The following ALOX5 variants were observed in gnomAD, a reference collection of about 807,000 sequenced individuals.
ALOX5 encodes polyunsaturated fatty acid 5-lipoxygenase.
In ALOX5, 64 loss-of-function variants were observed where a neutral mutation model predicts 87.9. The ratio of observed to expected loss-of-function variants is 0.73; its 90% confidence interval spans 0.60 to 0.90. The LOEUF is 0.90. Among genes scored for constraint, ALOX5 ranks in the 40% least tolerant of loss-of-function variants. ALOX5 has a pLI of 0.00. For synonymous variants in ALOX5, 388 were observed against 355.1 expected (o/e 1.09, Z -1.04); for missense variants, 822 against 907.5 (o/e 0.91, Z 1.21).
chr10:45,424,358 G>GATGA (rs962658656), intron 5 of ALOX5, among the ~76,000 whole-genome samples: 2 of 152,160 alleles, frequency 1.3e-5, no homozygotes, highest in African/African-American at 4.8e-5. Flanking sequence ...CTCCTCCTCA[G>GATGA]ATATTCAAGC....
chr10:45,400,624 A>G (rs748024523), intron 3 of ALOX5, among the ~76,000 whole-genome samples: 2 of 152,144 alleles, frequency 1.3e-5, no homozygotes, highest in Admixed American at 6.5e-5. Flanking sequence ...AAGAAAAGAA[A>G]TGAACTACAG....
intron 6 of ALOX5, 80 bp from the exon 7 acceptor site, chr10:45,428,538 A>C (rs932863951): frequency 6.4e-7 from 1 of 1,551,294 alleles, no homozygotes; most frequent in Non-Finnish European, 8.8e-7. Flanking sequence ...GGGTGCCCAG[A>C]GGTCATCACT....
At chr10:45,388,515 C>A (rs962940723) in intron 2 of ALOX5, among the ~76,000 whole-genome samples, 1 of 152,240 alleles carries the variant, frequency 6.6e-6, no homozygotes, top group Non-Finnish European at 1.5e-5. Context: ...AATCAGGCAG[C>A]AACATTTGCT....
At chr10:45,443,968 T>G in intron 12 of ALOX5, 140 bp downstream of exon 12, 3 of 1,434,762 alleles carry the variant, frequency 2.1e-6, no homozygotes, top group Non-Finnish European at 2.8e-6. Flanking sequence ...TTCTGCCCGC[T>G]CAGCCAAGGG....
At chr10:45,440,390 T>G (rs1307113717) in intron 7 of ALOX5, 40 bp from the exon 8 acceptor site, 1 of 1,591,378 alleles carries the variant, frequency 6.3e-7, no homozygotes, top group South Asian at 1.1e-5. Context: ...TACTCTGAAG[T>G]GAAATATAGC....
chr10:45,428,878 G>A lies in ALOX5; in HGVS notation c.981+114G>A, dbSNP rs927349897. ...GAAGCTATGTCTTGAAAGACACTAG[G>A]GCTTCCTGCAGGCCCTGAGGTGGGC... On this transcript the variant is annotated intron_variant, in intron 7 of 13. Coordinates refer to ENST00000374391, the MANE Select transcript of ALOX5 (RefSeq NM_000698.5). 4 of 1,398,906 alleles carry A rather than the reference G, an allele frequency of 2.9e-6. No homozygotes were observed. The Admixed American group carries it at 8.2e-5, about 29-fold the overall frequency. The allele number at this position is 1,398,906 out of a possible 1,614,324, so 86.7% of individuals were successfully genotyped here.
At chr10:45,392,104 C>G (rs1406956214) in intron 2 of ALOX5, among the ~76,000 whole-genome samples, 2 of 151,716 alleles carry the variant, frequency 1.3e-5, no homozygotes, top group Non-Finnish European at 2.9e-5. Flanking sequence ...GCCCCCCGCC[C>G]GGCCAGCTGC....
intron 7 of ALOX5, among the ~76,000 whole-genome samples, chr10:45,435,024 A>T (rs982917509): frequency 6.6e-6 from 1 of 152,220 alleles, no homozygotes; most frequent in African/African-American, 2.4e-5. Context: ...TAAGAAACAC[A>T]AATTGCTCAG....
intron 2 of ALOX5, 89 bp from the exon 3 acceptor site, chr10:45,395,766 C>A: frequency 1.8e-6 from 2 of 1,130,200 alleles, no homozygotes; most frequent in Non-Finnish European, 2.7e-6. Flanking sequence ...TCGGCATGGG[C>A]AGGGCATCTG....
intron 3 of ALOX5, among the ~76,000 whole-genome samples, chr10:45,401,548 T>G (rs1840699693): frequency 6.6e-6 from 1 of 152,190 alleles, no homozygotes; most frequent in Non-Finnish European, 1.5e-5. Flanking sequence ...CCTTTAGCAG[T>G]GTAGCAAAAA....
In ALOX5 at chr10:45,437,090, C is replaced by T. The variant is rs544026418; in HGVS notation, c.982-3340C>T. On this transcript the variant is annotated intron_variant, in intron 7 of 13. Coordinates refer to ENST00000374391, the MANE Select transcript of ALOX5 (RefSeq NM_000698.5). ...TTTTTAGGCCAGGCACAGTGGCTCACGCCTGTAATCCCAGCACTTTGGGAG... is the reference window on the plus strand; with the variant it reads ...TTTTTAGGCCAGGCACAGTGGCTCATGCCTGTAATCCCAGCACTTTGGGAG... Among the ~76,000 whole-genome samples, 8 of 152,302 alleles carry T rather than the reference C, an allele frequency of 5.3e-5. 1 individual carries two copies. The South Asian group carries it at 1.4e-3, about 28-fold the overall frequency.
At chr10:45,400,982 G>T (rs767819403) in intron 3 of ALOX5, among the ~76,000 whole-genome samples, 4 of 152,194 alleles carry the variant, frequency 2.6e-5, no homozygotes, top group Non-Finnish European at 4.4e-5. Context: ...CTTTTTGGAA[G>T]ATAATAACAC....
intron 3 of ALOX5, among the ~76,000 whole-genome samples, chr10:45,407,129 C>A (rs1320591853): frequency 6.6e-6 from 1 of 152,116 alleles, no homozygotes; most frequent in Non-Finnish European, 1.5e-5. Context: ...AATTCCCCTG[C>A]CCTCATTGAT....
At chr10:45,419,990 G>A (rs954504740) in intron 4 of ALOX5, among the ~76,000 whole-genome samples, 12 of 152,166 alleles carry the variant, frequency 7.9e-5, no homozygotes, top group African/African-American at 2.2e-4. Flanking sequence ...GCGTGGGTTT[G>A]TATATGGGAA....
At chr10:45,383,769 A>C (rs1839923135) in intron 2 of ALOX5, among the ~76,000 whole-genome samples, 2 of 152,204 alleles carry the variant, frequency 1.3e-5, no homozygotes, top group South Asian at 4.1e-4. Context: ...AAATTTCCAG[A>C]ATATTTCTGA....
At chr10:45,382,415 TTCTTAACA>T in intron 1 of ALOX5, 60 bp from the exon 2 acceptor site, 1 of 1,575,926 alleles carries the variant, frequency 6.3e-7, no homozygotes, top group Admixed American at 1.7e-5. Context: ...GGGTGACAAA[TTCTTAACA>T]CCTCCAGAAC....
At chr10:45,410,176 C>T (rs779042361) in intron 3 of ALOX5, among the ~76,000 whole-genome samples, 1 of 152,174 alleles carries the variant, frequency 6.6e-6, no homozygotes, top group African/African-American at 2.4e-5. Context: ...AAGAGAAAAT[C>T]ATCAGTAATA....
At chr10:45,387,271 T>C (rs1301464366) in intron 2 of ALOX5, among the ~76,000 whole-genome samples, 2 of 152,146 alleles carry the variant, frequency 1.3e-5, no homozygotes, top group African/African-American at 4.8e-5. Flanking sequence ...TCATTCTCAA[T>C]CCTCTGTGTA....
chr10:45,407,131 C>T (rs779346384), intron 3 of ALOX5, among the ~76,000 whole-genome samples: 24 of 152,156 alleles, frequency 1.6e-4, no homozygotes, highest in Non-Finnish European at 2.4e-4. Context: ...TTCCCCTGCC[C>T]TCATTGATGA....
Sources: allele counts gnomAD v4.1 joint callset (sites outside exome capture counted in the v4.1 genomes callset), GRCh38; gene constraint gnomAD v4.1.1; transcripts MANE v1.5; gene names NCBI Gene and HGNC (gene_info 2026-07-23, HGNC 2026-07-21).